The following ZBTB5 variants were observed in gnomAD, a reference collection of about 807,000 sequenced individuals.
ZBTB5 encodes zinc finger and BTB domain-containing protein 5.
ZBTB5 carries 15 observed loss-of-function variants against 37.9 expected under a neutral mutation model. The ratio of observed to expected loss-of-function variants is 0.40; its 90% CI spans 0.26 to 0.61. The LOEUF is 0.61. Ranked by LOEUF, ZBTB5 falls within the 20% of genes least tolerant of loss-of-function variation. The probability of loss-of-function intolerance (pLI) is 0.47; values close to 1 mark genes in which losing one functional copy is unlikely to be tolerated. For synonymous variants in ZBTB5, 315 were observed against 312.4 expected (o/e 1.01, Z -0.09); for missense variants, 708 against 856.8 (o/e 0.83, Z 2.17).
chr9:37,462,385 CT>C (rs1183394372), intron 1 of ZBTB5, among the ~76,000 whole-genome samples: 1 of 152,088 alleles, frequency 6.6e-6, no homozygotes, highest in Non-Finnish European at 1.5e-5. Flanking sequence ...AGTTTAAAAG[CT>C]TGAAAGCCAA....
At chr9:37,458,390 C>T (rs1403830351) in intron 1 of ZBTB5, among the ~76,000 whole-genome samples, 1 of 152,222 alleles carries the variant, frequency 6.6e-6, no homozygotes, top group African/African-American at 2.4e-5. Context: ...AGAAAAAGCA[C>T]TTGTGCAGTT....
intron 1 of ZBTB5, among the ~76,000 whole-genome samples, chr9:37,463,098 A>G (rs1394764296): frequency 6.6e-6 from 1 of 152,256 alleles, no homozygotes; most frequent in Non-Finnish European, 1.5e-5. Context: ...TAGGAAATAC[A>G]TGTATAACTA....
At chr9:37,449,348 G>T (rs918059298) in intron 1 of ZBTB5, among the ~76,000 whole-genome samples, 4 of 152,136 alleles carry the variant, frequency 2.6e-5, no homozygotes, top group Non-Finnish European at 1.5e-5. Context: ...TCAGGCTTGT[G>T]GTATCACACA....
intron 1 of ZBTB5, among the ~76,000 whole-genome samples, chr9:37,445,643 CAAA>C (rs762452347): frequency 9.6e-6 from 1 of 103,916 alleles, no homozygotes. Flanking sequence ...GAGACCCTGT[CAAA>C]AAAAAAAAAA....
Position 37,442,523 on chromosome 9 carries a change from A to AT in ZBTB5, c.28dup (p.Ile10AsnfsTer16). The AT allele has an allele frequency of 1.2e-6, 2 of 1,606,370 alleles. No individual in the cohort carries two copies. The highest frequency in any genetic ancestry group is 1.7e-6 in the Non-Finnish European group (2 of 1,173,860). On this transcript the variant is annotated frameshift_variant, in exon 2 of 2. Transcript: ENST00000307750. LOFTEE classifies it high-confidence loss of function. ...TCTCTGGTAGTTCAGCTGCTGGAAG[A>AT]TTTGTTCAAAGTGACCAGGAAAATC... is the stretch of plus-strand genomic sequence containing the variant.
rs1168137174 is a variant in ZBTB5 at position 37,440,565 on chromosome 9, T to C, written c.1987A>G (p.Thr663Ala). Residue 663 changes from threonine (T) to alanine (A), a missense_variant, in exon 2 of 2, where the codon ACC becomes GCC. Physicochemically the swap from Thr to Ala is moderately conservative, Grantham distance 58. Transcript: ENST00000307750. ...TTGCTGCTCTGCCAGCGCAGGCAGG[T>C]AGTCTTTGAGTGCTTATACAGGTGG... Reference protein sequence around the residue: ...SSHLYKHSKTTCLRWQSSNLP... With the variant: ...SSHLYKHSKTACLRWQSSNLP... 3.1e-6 allele frequency: 5 copies of C among 1,614,244 alleles called. No individual in the cohort carries two copies. Among genetic ancestry groups the C allele is most frequent in the Non-Finnish European group, 2.5e-6 (3 of 1,180,044 alleles).
chr9:37,441,247 A>G lies in ZBTB5; in HGVS notation c.1305T>C (p.Thr435=), dbSNP rs1441080300. Residue 435 remains threonine, a synonymous_variant, in exon 2 of 2, where the codon ACT becomes ACC. Transcript: ENST00000307750. ...CCTCACTCTCCAGCCTGCAGTCACTAGTGGTGTTTGGAATATTATCATCAT... is the reference window on the plus strand; with the variant it reads ...CCTCACTCTCCAGCCTGCAGTCACTGGTGGTGTTTGGAATATTATCATCAT... ...QNNDDNIPNT[T]SDCRLESEAP... is the part of the protein sequence containing the mutation. 6.2e-7 allele frequency: 1 copy of G among 1,614,158 alleles called. No individual in the cohort carries two copies. Among genetic ancestry groups the G allele is most frequent in the East Asian group, 2.2e-5 (1 of 44,884 alleles).
Position 37,441,025 on chromosome 9 carries a change from A to G in ZBTB5, c.1527T>C (p.Ser509=). 1.2e-6 allele frequency: 2 copies of G among 1,614,202 alleles called. No homozygotes were observed. Among genetic ancestry groups the G allele is most frequent in the Non-Finnish European group, 1.7e-6 (2 of 1,180,038 alleles). Residue 509 remains serine (S), a synonymous_variant, in exon 2 of 2, where the codon TCT becomes TCC. Transcript: ENST00000307750. ...GEQFGMDFSR[S]GLGLHSSFSR... ...AGAAGGAGGAGTGGAGGCCCAAACCAGACCTGGAAAAGTCCATCCCAAACT... is the reference window on the plus strand; with the variant it reads ...AGAAGGAGGAGTGGAGGCCCAAACCGGACCTGGAAAAGTCCATCCCAAACT...
chr9:37,453,548 C>T (rs1824138505), intron 1 of ZBTB5, among the ~76,000 whole-genome samples: 1 of 152,216 alleles, frequency 6.6e-6, no homozygotes, highest in East Asian at 1.9e-4. Flanking sequence ...CACAAATCAA[C>T]ATTCAAATAC....
At position 37,440,108 on chromosome 9, in the gene ZBTB5, A is replaced by G. The variant is rs139606922; in HGVS notation, c.*410T>C. The G allele has an allele frequency of 4.8e-5, 9 of 186,640 alleles. No individual in the cohort carries two copies. The highest frequency in any genetic ancestry group is 1.4e-4 in the East Asian group (1 of 7,152). 11.6% of individuals were successfully genotyped at this position (186,640 alleles called of 1,614,324 possible). The stretch of plus-strand genomic sequence containing the variant: ...GGCACCAAATCACCACTGGTTACAC[A>G]TAAGTGCATTTTGCATCACTATACA... On this transcript the variant is annotated 3_prime_UTR_variant, in exon 2 of 2. Coordinates refer to ENST00000307750, the MANE Select transcript of ZBTB5 (RefSeq NM_014872.3).
intron 1 of ZBTB5, among the ~76,000 whole-genome samples, chr9:37,453,931 G>A (rs984093406): frequency 3.3e-5 from 5 of 152,136 alleles, no homozygotes; most frequent in Admixed American, 3.3e-4. Flanking sequence ...AGAAGAGAGT[G>A]ATACCAAAAA....
At chr9:37,459,859 C>T (rs534447853) in intron 1 of ZBTB5, among the ~76,000 whole-genome samples, 36 of 151,930 alleles carry the variant, frequency 2.4e-4, no homozygotes, top group African/African-American at 7.7e-4. Context: ...TACGGGCGCC[C>T]GCCACCACAC....
At chr9:37,446,583 C>G (rs1048814229) in intron 1 of ZBTB5, among the ~76,000 whole-genome samples, 2 of 152,166 alleles carry the variant, frequency 1.3e-5, no homozygotes, top group African/African-American at 4.8e-5. Flanking sequence ...TCTTTGCTAT[C>G]ATGTATGAGA....
chr9:37,449,405 G>A (rs1816723498), intron 1 of ZBTB5, among the ~76,000 whole-genome samples: 1 of 152,058 alleles, frequency 6.6e-6, no homozygotes, highest in African/African-American at 2.4e-5. Flanking sequence ...ATGAAAGAAT[G>A]AGTAAAAAAA....
At chr9:37,449,516 G>T (rs1824058318) in intron 1 of ZBTB5, among the ~76,000 whole-genome samples, 1 of 151,970 alleles carries the variant, frequency 6.6e-6, no homozygotes. Flanking sequence ...TGGCCAACAT[G>T]GTGAAACCCT....
chr9:37,442,192 C>T lies in ZBTB5; in HGVS notation c.360G>A (p.Thr120=), dbSNP rs372768789. 8.7e-6 allele frequency: 14 copies of T among 1,614,096 alleles called. No homozygotes were observed. The highest frequency in any genetic ancestry group is 6.7e-5 in the Admixed American group (4 of 60,008). Residue 120 remains threonine (T), a synonymous_variant, in exon 2 of 2, where the codon ACG becomes ACA. Coordinates refer to ENST00000307750, the MANE Select transcript of ZBTB5 (RefSeq NM_014872.3). ...SVVKACKHYL[T]TRTLPMSPPS... Reference sequence around the variant, plus strand: ...GGGGAGACATGGGCAGCGTCCTTGTCGTTAAGTAATGTTTACATGCCTTAA... The same window carrying T: ...GGGGAGACATGGGCAGCGTCCTTGTTGTTAAGTAATGTTTACATGCCTTAA...
intron 1 of ZBTB5, among the ~76,000 whole-genome samples, chr9:37,457,408 C>G (rs1184382529): frequency 6.6e-6 from 1 of 152,072 alleles, no homozygotes; most frequent in Non-Finnish European, 1.5e-5. Context: ...ATTTTTTATT[C>G]TTTGTAGAGA....
At chr9:37,463,668 C>T (rs1271790387) in intron 1 of ZBTB5, among the ~76,000 whole-genome samples, 1 of 152,314 alleles carries the variant, frequency 6.6e-6, no homozygotes, top group Admixed American at 6.5e-5. Context: ...CTTTTGAGAG[C>T]GTTCGCTCCT....
chr9:37,451,979 T>G (rs1336013835), intron 1 of ZBTB5, among the ~76,000 whole-genome samples: 1 of 152,216 alleles, frequency 6.6e-6, no homozygotes, highest in African/African-American at 2.4e-5. Flanking sequence ...TTGGGGAAGT[T>G]GCAACTCTTA....
Sources: allele counts gnomAD v4.1 joint callset (sites outside exome capture counted in the v4.1 genomes callset), GRCh38; gene constraint gnomAD v4.1.1; transcripts MANE v1.5; gene names NCBI Gene and HGNC (gene_info 2026-07-23, HGNC 2026-07-21).